BEND7: variants seen among roughly 807,000 people sequenced by gnomAD.
BEND7 encodes BEN domain containing 7.
A neutral mutation model predicts 50.9 loss-of-function variants in BEND7; 28 were observed. That is an observed-to-expected ratio of 0.55 (90% confidence interval 0.41 to 0.75). The LOEUF (loss-of-function observed/expected upper bound fraction) is 0.75, where lower values mean the gene tolerates loss of function less well. Among genes scored for constraint, BEND7 ranks in the 30% least tolerant of loss-of-function variants. BEND7 has a pLI of 0.00. For missense variants in BEND7, 477 were observed against 491.3 expected (o/e 0.97, Z 0.28); for synonymous variants, 170 against 183.9 (o/e 0.92, Z 0.61).
At chr10:13,485,898 T>C (rs2076191743) in intron 5 of BEND7, among the ~76,000 whole-genome samples, 1 of 152,230 alleles carries the variant, frequency 6.6e-6, no homozygotes, top group Admixed American at 6.5e-5. Context: ...TTTTATTTTT[T>C]AGAGACAGGA....
At chr10:13,479,980 G>A (rs141135914) in intron 6 of BEND7, among the ~76,000 whole-genome samples, 9 of 152,294 alleles carry the variant, frequency 5.9e-5, no homozygotes, top group South Asian at 2.1e-4. Flanking sequence ...GGCCCTCTGC[G>A]TCAGTCCCAC....
At chr10:13,455,398 A>G (rs1838725602) in intron 6 of BEND7, among the ~76,000 whole-genome samples, 1 of 151,990 alleles carries the variant, frequency 6.6e-6, no homozygotes, top group Non-Finnish European at 1.5e-5. Context: ...TGGTTCTCAT[A>G]AAAAGGAGGG....
rs183708169 is a variant in BEND7 at position 13,514,496 on chromosome 10, T to C, written c.145+11642A>G. 2.0e-3 allele frequency among the ~76,000 whole-genome samples: 311 copies of C among 152,298 alleles called. 1 individual carries two copies. Among genetic ancestry groups the C allele is most frequent in the African/African-American group, 7.2e-3 (299 of 41,572 alleles). On this transcript the variant is annotated intron_variant, in intron 2 of 8. Transcript: ENST00000466271. Reference sequence around the variant, plus strand: ...TCATCTCCATCTTCTTTCCAGTTCATTGCAGATGACGTGTGGGAAATTCAG... The same window carrying C: ...TCATCTCCATCTTCTTTCCAGTTCACTGCAGATGACGTGTGGGAAATTCAG...
chr10:13,444,311 A>G (rs1483288974), intron 8 of BEND7: 1 of 152,208 alleles, frequency 6.6e-6, no homozygotes, highest in African/African-American at 2.4e-5. Context: ...TTTCTGCTAA[A>G]GCCTGATGAA....
intron 2 of BEND7, among the ~76,000 whole-genome samples, chr10:13,506,925 A>T (rs1371066055): frequency 6.6e-6 from 1 of 152,172 alleles, no homozygotes; most frequent in African/African-American, 2.4e-5. Flanking sequence ...CTGGAAAAAC[A>T]TGCATGCAAG....
At chr10:13,453,270 G>C (rs145726596) in intron 6 of BEND7, among the ~76,000 whole-genome samples, 1 of 152,162 alleles carries the variant, frequency 6.6e-6, no homozygotes, top group Non-Finnish European at 1.5e-5. Flanking sequence ...GACAATGATC[G>C]TGGGAGGGCT....
At chr10:13,516,193 T>G (rs920117597) in intron 2 of BEND7, among the ~76,000 whole-genome samples, 2 of 152,312 alleles carry the variant, frequency 1.3e-5, no homozygotes, top group East Asian at 1.9e-4. Context: ...GAATTCAAAC[T>G]GAGACTGGAA....
At chr10:13,439,047 G>A, downstream of BEND7, 1 of 928,908 alleles carries the variant, frequency 1.1e-6, no homozygotes, top group Non-Finnish European at 1.6e-6. Flanking sequence ...GCTGGGCAAA[G>A]GGGAGAGAGG....
At chr10:13,476,359 C>T (rs1418064562) in intron 6 of BEND7, among the ~76,000 whole-genome samples, 2 of 152,196 alleles carry the variant, frequency 1.3e-5, no homozygotes, top group Non-Finnish European at 2.9e-5. Context: ...GACAGACCAT[C>T]AAGGCTGGCC....
chr10:13,487,751 T>G (rs963132039), intron 5 of BEND7, among the ~76,000 whole-genome samples: 2 of 152,092 alleles, frequency 1.3e-5, no homozygotes, highest in African/African-American at 4.8e-5. Context: ...TTTCTTTACT[T>G]GATCCCAGTG....
intron 6 of BEND7, among the ~76,000 whole-genome samples, chr10:13,477,462 CAGGTT>C (rs764697140): frequency 1.1e-4 from 17 of 152,218 alleles, no homozygotes; most frequent in Admixed American, 9.2e-4. Flanking sequence ...TCAAAAGACT[CAGGTT>C]AGGGAAATTT....
chr10:13,477,803 T>G (rs1324083266), intron 6 of BEND7, among the ~76,000 whole-genome samples: 1 of 152,210 alleles, frequency 6.6e-6, no homozygotes, highest in Non-Finnish European at 1.5e-5. Context: ...GTCAATAAAT[T>G]AACGTCAAAG....
Position 13,526,317 on chromosome 10 carries a change from C to T in BEND7, c.62-96G>A, listed in dbSNP as rs181028113. 296 of 357,190 alleles carry T rather than the reference C, an allele frequency of 8.3e-4. 1 individual carries two copies. The highest frequency in any genetic ancestry group is 7.2e-4 in the Non-Finnish European group (155 of 216,630). The allele number at this position is 357,190 out of a possible 1,614,324, so 22.1% of individuals were successfully genotyped here. ...AATCTCATTCTATTTAGTTTGTATA[C>T]TCTATAATTTATAAATAAACTTTTT... is the stretch of plus-strand genomic sequence containing the variant. On this transcript the variant is annotated intron_variant, in intron 1 of 8. Transcript: ENST00000466271.
chr10:13,492,859 G>C lies in BEND7; in HGVS notation c.589C>G (p.Gln197Glu). 6.3e-7 allele frequency: 1 copy of C among 1,599,852 alleles called. No individual in the cohort carries two copies. ...CATATAAGGGAAATTGGAGGTTGTT[G>C]TCTGTTTTGAGTTCCAACTGCGAAT... Reference protein sequence around the residue: ...QIQAVGTQNRQQPPISLICSQ... With the variant: ...QIQAVGTQNREQPPISLICSQ... The change falls in exon 5 of 9, where the codon CAA becomes GAA. Residue 197 changes from glutamine (Q) to glutamate (E), a missense_variant. By Grantham distance (29) the Gln-to-Glu change is conservative (BLOSUM62 2). Around this residue, in one of 3 missense-constraint regions of BEND7, gnomAD observed 396 missense variants for 384.2 expected, o/e 1.03. Coordinates refer to ENST00000466271, the MANE Select transcript of BEND7 (RefSeq NM_001369863.1).
At position 13,528,638 on chromosome 10, in the gene BEND7, G is replaced by A; in HGVS notation, c.-105C>T. ...CGCGGGCTCGTGTCACCGCGGCGGA[G>A]CCGCCGGGACCAAGGTCCGCGCCTG... is the stretch of plus-strand genomic sequence containing the variant. On this transcript the variant is annotated 5_prime_UTR_variant, in exon 1 of 9. Coordinates refer to ENST00000466271, the MANE Select transcript of BEND7 (RefSeq NM_001369863.1). 1.9e-6 allele frequency: 1 copy of A among 537,566 alleles called. No homozygotes were observed. Among genetic ancestry groups the A allele is most frequent in the Non-Finnish European group, 2.4e-6 (1 of 422,296 alleles). 33.3% of individuals were successfully genotyped at this position (537,566 alleles called of 1,614,324 possible).
chr10:13,463,454 C>T (rs2073919783), intron 6 of BEND7, among the ~76,000 whole-genome samples: 1 of 152,084 alleles, frequency 6.6e-6, no homozygotes, highest in African/African-American at 2.4e-5. Flanking sequence ...CAAATGTAAA[C>T]ATGTGTGAGA....
intron 4 of BEND7, among the ~76,000 whole-genome samples, chr10:13,494,831 G>A (rs2076921294): frequency 6.6e-6 from 1 of 152,216 alleles, no homozygotes; most frequent in African/African-American, 2.4e-5. Flanking sequence ...TAAAAGAAAG[G>A]TGAAACTTTC....
At chr10:13,514,643 T>A (rs751998539) in intron 2 of BEND7, among the ~76,000 whole-genome samples, 33 of 152,250 alleles carry the variant, frequency 2.2e-4, no homozygotes, top group Middle Eastern at 3.4e-3. Flanking sequence ...AGGATCTCCC[T>A]CCCAGCGGAG....
chr10:13,528,777 C>G lies in BEND7; in HGVS notation c.-244G>C, dbSNP rs2079573914. 6.8e-6 allele frequency: 1 copy of G among 146,250 alleles called. No homozygotes were observed. Among genetic ancestry groups the G allele is most frequent in the Non-Finnish European group, 1.5e-5 (1 of 65,828 alleles). The allele number at this position is 146,250 out of a possible 1,614,324, so 9.1% of individuals were successfully genotyped here. A position where few individuals can be genotyped will look rare whatever the true frequency, so the allele number is the denominator to read the frequency against. Reference sequence around the variant, plus strand: ...GGGCGAAGTTGCCCCCGCGCGGCGCCGCCTCCCGGTGCCCTAGGCGCCCCC... The same window carrying G: ...GGGCGAAGTTGCCCCCGCGCGGCGCGGCCTCCCGGTGCCCTAGGCGCCCCC... On this transcript the variant is annotated 5_prime_UTR_variant, in exon 1 of 9. Coordinates refer to ENST00000466271, the MANE Select transcript of BEND7 (RefSeq NM_001369863.1).
Sources: allele counts gnomAD v4.1 joint callset (sites outside exome capture counted in the v4.1 genomes callset), GRCh38; gene constraint gnomAD v4.1.1; regional missense constraint gnomAD v4.1.1; transcripts MANE v1.5; gene names NCBI Gene and HGNC (gene_info 2026-07-23, HGNC 2026-07-21).